Variants in MAN1C1 observed in about 807,000 individuals in gnomAD.
MAN1C1 encodes the protein mannosyl-oligosaccharide 1,2-alpha-mannosidase IC.
Under a neutral mutation model 71.5 loss-of-function variants are expected in MAN1C1, and 49 were observed. The observed-to-expected ratio is 0.69, with a 90% CI of 0.54 to 0.87. The LOEUF (loss-of-function observed/expected upper bound fraction) is 0.87, where lower values mean the gene tolerates loss of function less well. Ranked by LOEUF, MAN1C1 falls within the 40% of genes least tolerant of loss-of-function variation. MAN1C1 has a pLI of 0.00. For synonymous variants in MAN1C1, 352 were observed against 343.7 expected, an observed-to-expected ratio of 1.02 and a Z score of -0.27; for missense variants, 743 against 835.0, an observed-to-expected ratio of 0.89 and a Z score of 1.36.
intron 2 of MAN1C1, among the ~76,000 whole-genome samples, chr1:25,741,774 G>A (rs984937618): frequency 6.6e-6 from 1 of 152,218 alleles, no homozygotes; most frequent in Non-Finnish European, 1.5e-5. Flanking sequence ...GCCATTAGAG[G>A]TGGGCCCTAG....
In MAN1C1 at chr1:25,618,196, G is replaced by A. The variant is rs1245115439; in HGVS notation, c.399G>A (p.Arg133=). 2 of 1,583,954 alleles carry A rather than the reference G, an allele frequency of 1.3e-6. No homozygotes were observed. Among genetic ancestry groups the A allele is most frequent in the East Asian group, 2.3e-5 (1 of 43,482 alleles). ...GGGGCAATAGCATCCCGGCCTCCAG[G>A]CCCGGGGACGAGGGCGTCCCTTTCC... is the stretch of plus-strand genomic sequence containing the variant. The part of the protein sequence containing the change: ...AARGNSIPAS[R]PGDEGVPFRF... Residue 133 remains arginine (R), a synonymous_variant, in exon 1 of 12, where the codon AGG becomes AGA. Coordinates refer to ENST00000374332, the MANE Select transcript of MAN1C1 (RefSeq NM_020379.4).
At chr1:25,768,938 CA>C (rs2047504193) in intron 7 of MAN1C1, among the ~76,000 whole-genome samples, 1 of 118,162 alleles carries the variant, frequency 8.5e-6, no homozygotes, top group Admixed American at 8.2e-5. Context: ...TTACACACTA[CA>C]CACACACACT....
chr1:25,644,254 C>T (rs961276372), intron 1 of MAN1C1, among the ~76,000 whole-genome samples: 2 of 151,852 alleles, frequency 1.3e-5, no homozygotes, highest in Admixed American at 6.6e-5. Flanking sequence ...CAGAAAGCTC[C>T]GTGTACTGAG....
chr1:25,671,906 C>A (rs186457102), intron 1 of MAN1C1, among the ~76,000 whole-genome samples: 1 of 152,296 alleles, frequency 6.6e-6, no homozygotes, highest in East Asian at 1.9e-4. Flanking sequence ...AGAAAAAGAA[C>A]CAGTAGGAGA....
intron 7 of MAN1C1, among the ~76,000 whole-genome samples, chr1:25,765,586 G>A (rs1224041069): frequency 6.6e-6 from 1 of 152,250 alleles, no homozygotes; most frequent in Admixed American, 6.5e-5. Flanking sequence ...CCTGCAAAAT[G>A]AAAGAAGAGA....
intron 2 of MAN1C1, among the ~76,000 whole-genome samples, chr1:25,700,967 G>T (rs2744783): frequency 0.23 from 35,385 of 152,244 alleles, 6,856 homozygotes; most frequent in African/African-American, 0.53. Flanking sequence ...GGCTGACTTC[G>T]CCATTAGGCT....
At chr1:25,780,074 C>T (rs550296911) in intron 9 of MAN1C1, among the ~76,000 whole-genome samples, 51 of 152,214 alleles carry the variant, frequency 3.4e-4, no homozygotes, top group Non-Finnish European at 6.0e-4. Context: ...TCAGCCACAA[C>T]TCGCTGTGTT....
intron 1 of MAN1C1, among the ~76,000 whole-genome samples, chr1:25,660,040 TTTA>T (rs1353970937): frequency 7.9e-5 from 12 of 152,140 alleles, no homozygotes; most frequent in Admixed American, 7.2e-4. Flanking sequence ...TTGGGTTTGA[TTTA>T]TTGTTTTGAT....
chr1:25,780,780 G>A (rs887292672), intron 9 of MAN1C1, 160 bp from the exon 10 acceptor site: 24 of 676,246 alleles, frequency 3.5e-5, no homozygotes, highest in Non-Finnish European at 4.6e-5. Context: ...GCATCTGCCC[G>A]GTGCAGCCTT....
At chr1:25,635,959 C>T (rs558574711) in intron 1 of MAN1C1, among the ~76,000 whole-genome samples, 17 of 152,280 alleles carry the variant, frequency 1.1e-4, no homozygotes, top group African/African-American at 1.7e-4. Context: ...ATTTTACAGC[C>T]GGGCCTCCGG....
At chr1:25,622,642 G>A (rs745503405) in intron 1 of MAN1C1, among the ~76,000 whole-genome samples, 6 of 152,180 alleles carry the variant, frequency 3.9e-5, no homozygotes, top group Non-Finnish European at 8.8e-5. Context: ...AGGGAGTGGA[G>A]GTGACACTCG....
chr1:25,636,936 C>T (rs1406500834), intron 1 of MAN1C1, among the ~76,000 whole-genome samples: 3 of 152,134 alleles, frequency 2.0e-5, no homozygotes, highest in Non-Finnish European at 2.9e-5. Context: ...AGGTGGATCA[C>T]TTGGGGTCAG....
At chr1:25,719,393 T>C (rs938266132) in intron 2 of MAN1C1, among the ~76,000 whole-genome samples, 82 of 144,298 alleles carry the variant, frequency 5.7e-4, no homozygotes, top group Non-Finnish European at 9.6e-4. Context: ...TTATTTTTTA[T>C]CTTTTATTTA....
chr1:25,656,932 T>TCTCC (rs1469026262), intron 1 of MAN1C1, among the ~76,000 whole-genome samples: 1 of 151,700 alleles, frequency 6.6e-6, no homozygotes, highest in African/African-American at 2.4e-5. Context: ...TTCACACCGT[T>TCTCC]CTCCCGCCTC....
intron 2 of MAN1C1, among the ~76,000 whole-genome samples, chr1:25,689,918 G>A (rs959240249): frequency 3.9e-5 from 6 of 152,212 alleles, no homozygotes; most frequent in African/African-American, 1.4e-4. Flanking sequence ...GCAGGGCTGT[G>A]TGCGGGGAAG....
At chr1:25,618,964 G>C (rs1252345493) in intron 1 of MAN1C1, among the ~76,000 whole-genome samples, 1 of 152,300 alleles carries the variant, frequency 6.6e-6, no homozygotes, top group Admixed American at 6.5e-5. Flanking sequence ...TGCAGGAAGA[G>C]ATGATAAAGC....
At chr1:25,668,891 A>G (rs1315617581) in intron 1 of MAN1C1, among the ~76,000 whole-genome samples, 3 of 152,148 alleles carry the variant, frequency 2.0e-5, no homozygotes, top group Non-Finnish European at 4.4e-5. Context: ...TGTGCTCAGA[A>G]TTGAGAAAAC....
intron 2 of MAN1C1, among the ~76,000 whole-genome samples, chr1:25,719,395 T>TTTTATTTATTTA (rs76291035): frequency 1.5e-4 from 21 of 139,952 alleles, no homozygotes; most frequent in African/African-American, 5.4e-5. Context: ...ATTTTTTATC[T>TTTTATTTATTTA]TTTATTTATT....
intron 1 of MAN1C1, among the ~76,000 whole-genome samples, chr1:25,682,299 C>T (rs994315926): frequency 5.9e-5 from 9 of 152,104 alleles, no homozygotes; most frequent in African/African-American, 2.2e-4. Context: ...AGATCTTGTT[C>T]CAGAAAGGTT....
Sources: allele counts gnomAD v4.1 joint callset (sites outside exome capture counted in the v4.1 genomes callset), GRCh38; gene constraint gnomAD v4.1.1; transcripts MANE v1.5; gene names NCBI Gene and HGNC (gene_info 2026-07-23, HGNC 2026-07-21).